GAB3: variants seen among roughly 807,000 people sequenced by gnomAD.
GAB3 encodes GRB2-associated-binding protein 3.
A neutral mutation model predicts 40.4 loss-of-function variants in GAB3; 12 were observed. That is an observed-to-expected ratio of 0.30 (90% CI 0.19 to 0.48). GAB3 has a LOEUF of 0.48. Among genes scored for constraint, GAB3 ranks in the 20% least tolerant of loss-of-function variants. GAB3 has a pLI of 0.99. For missense variants in GAB3, 381 were observed against 461.9 expected, an observed-to-expected ratio of 0.82 and a Z score of 1.61; for synonymous variants, 154 against 176.7, an observed-to-expected ratio of 0.87 and a Z score of 1.02.
rs782332474 is a variant in GAB3 at position 154,735,479 on chromosome X, T to C, written c.72+15475A>G. On this transcript the variant is annotated intron_variant, in intron 1 of 9. Coordinates refer to ENST00000424127, the MANE Select transcript of GAB3 (RefSeq NM_001081573.3). Reference sequence around the variant, plus strand: ...TGGAGCCCATGGGGGTAGTTGGGGCTTTCACATCTCAGTACATGGCAACTC... The same window carrying C: ...TGGAGCCCATGGGGGTAGTTGGGGCCTTCACATCTCAGTACATGGCAACTC... Among the ~76,000 whole-genome samples, 240 of 112,000 alleles carry C rather than the reference T, an allele frequency of 2.1e-3. 1 individual carries two copies. Among genetic ancestry groups the C allele is most frequent in the African/African-American group, 7.4e-3 (227 of 30,810 alleles).
At chrX:154,715,396 G>A (rs2071030212) in intron 2 of GAB3, among the ~76,000 whole-genome samples, 1 of 106,357 alleles carries the variant, frequency 9.4e-6, no homozygotes, top group African/African-American at 3.6e-5. Flanking sequence ...GATGAGTTGT[G>A]TGTGTGTGCG....
At chrX:154,718,307 G>A (rs1027195078) in intron 1 of GAB3, among the ~76,000 whole-genome samples, 8 of 108,415 alleles carry the variant, frequency 7.4e-5, no homozygotes. Context: ...GCAAGCAGAA[G>A]GAAGGCAGTC....
chrX:154,706,762 T>A (rs1557253727), intron 4 of GAB3, among the ~76,000 whole-genome samples: 1 of 108,735 alleles, frequency 9.2e-6, no homozygotes, highest in East Asian at 2.9e-4. Context: ...AAAAAAATTT[T>A]TTTTCAAATT....
intron 1 of GAB3, among the ~76,000 whole-genome samples, chrX:154,745,915 G>A (rs2071519740): frequency 9.1e-6 from 1 of 110,370 alleles, no homozygotes; most frequent in Admixed American, 9.6e-5. Context: ...AGCCAGGCAT[G>A]GTGGTGGGCA....
At chrX:154,722,577 T>C (rs2071150676) in intron 1 of GAB3, among the ~76,000 whole-genome samples, 1 of 112,028 alleles carries the variant, frequency 8.9e-6, no homozygotes, top group Admixed American at 9.5e-5. Flanking sequence ...CTCCAAATTA[T>C]ATACAATAAA....
At chrX:154,744,799 A>C (rs781977413) in intron 1 of GAB3, among the ~76,000 whole-genome samples, 3 of 112,611 alleles carry the variant, frequency 2.7e-5, no homozygotes, top group East Asian at 2.8e-4. Context: ...ATATACATTT[A>C]ACAAATTTTA....
At chrX:154,711,322 G>A (rs1202003392) in intron 4 of GAB3, among the ~76,000 whole-genome samples, 1 of 111,960 alleles carries the variant, frequency 8.9e-6, no homozygotes, top group Non-Finnish European at 1.9e-5. Flanking sequence ...GAGAGATACA[G>A]ACTGATGTAA....
intron 1 of GAB3, among the ~76,000 whole-genome samples, chrX:154,735,056 G>A (rs1454542598): frequency 8.9e-6 from 1 of 112,158 alleles, no homozygotes; most frequent in Non-Finnish European, 1.9e-5. Context: ...ATATGAATCA[G>A]TATTTCACAG....
rs148554480 is a variant in GAB3, at chrX:154,719,894, T to C, written c.73-3565A>G. Among the ~76,000 whole-genome samples, 242 of 111,518 alleles carry C rather than the reference T, an allele frequency of 2.2e-3. 2 individuals carry two copies. Among genetic ancestry groups the C allele is most frequent in the African/African-American group, 7.4e-3 (227 of 30,624 alleles). On this transcript the variant is annotated intron_variant, in intron 1 of 9. Transcript: ENST00000424127. Reference sequence around the variant, plus strand: ...ATGCCACAAGGAATGACGAGGGCCATGTCAAAAGGACTTAGGGGCTAACCT... The same window carrying C: ...ATGCCACAAGGAATGACGAGGGCCACGTCAAAAGGACTTAGGGGCTAACCT...
At chrX:154,738,180 G>A (rs1557260766) in intron 1 of GAB3, among the ~76,000 whole-genome samples, 2 of 112,005 alleles carry the variant, frequency 1.8e-5, no homozygotes, top group African/African-American at 3.2e-5. Flanking sequence ...GTGAGTCAAC[G>A]GTGTGGCGTG....
chrX:154,697,791 T>C (rs1443678414), intron 6 of GAB3, among the ~76,000 whole-genome samples: 1 of 112,505 alleles, frequency 8.9e-6, no homozygotes, highest in Non-Finnish European at 1.9e-5. Flanking sequence ...ATGATTTATC[T>C]GGACCTAAAC....
At chrX:154,748,001 G>A (rs961878772) in intron 1 of GAB3, among the ~76,000 whole-genome samples, 5 of 111,804 alleles carry the variant, frequency 4.5e-5, no homozygotes, top group Non-Finnish European at 9.4e-5. Context: ...AAAACTAAAT[G>A]AGTTAATACA....
intron 8 of GAB3, 47 bp from the exon 9 acceptor site, chrX:154,680,295 T>C (rs1299671079): frequency 1.0e-6 from 1 of 969,585 alleles, no homozygotes; most frequent in Middle Eastern, 2.9e-4. Flanking sequence ...TCTATCTTGG[T>C]TGCTCAAGGG....
chrX:154,707,040 T>C (rs2070821829), intron 4 of GAB3, among the ~76,000 whole-genome samples: 2 of 110,814 alleles, frequency 1.8e-5, no homozygotes, highest in Admixed American at 1.9e-4. Context: ...AACAGACACA[T>C]AGACCAATGG....
chrX:154,738,035 T>G (rs1557260753), intron 1 of GAB3, among the ~76,000 whole-genome samples: 2 of 112,030 alleles, frequency 1.8e-5, no homozygotes, highest in Non-Finnish European at 3.8e-5. Flanking sequence ...AAATAAAAGA[T>G]GAAATTCAAC....
In GAB3 at chrX:154,713,409, G is replaced by A. The variant is rs782393555; in HGVS notation, c.394C>T (p.Leu132Phe). 16 of 1,200,819 alleles carry A rather than the reference G, an allele frequency of 1.3e-5. No homozygotes were observed. The South Asian group carries it at 2.8e-4, about 21-fold the overall frequency. ...TGCAGGGAGGAGGGCGTGTAAGAGAGGCTCTCCATGGAATCTGCTGGAGAA... is the reference window on the plus strand; with the variant it reads ...TGCAGGGAGGAGGGCGTGTAAGAGAAGCTCTCCATGGAATCTGCTGGAGAA... ...EDGAADSMESLSYTPSSLQPS... is the reference protein window; with the variant it reads ...EDGAADSMESFSYTPSSLQPS... Residue 132 changes from leucine to phenylalanine, a missense_variant, in exon 3 of 10, where the codon CTC becomes TTC. Around this residue, in one of 2 missense-constraint regions of GAB3, gnomAD observed 364 missense variants for 421.0 expected, o/e 0.86. Transcript: ENST00000424127.
At chrX:154,698,185 G>T (rs782238952) in intron 6 of GAB3, among the ~76,000 whole-genome samples, 1 of 112,728 alleles carries the variant, frequency 8.9e-6, no homozygotes, top group Non-Finnish European at 1.9e-5. Context: ...TTCTGTTGTT[G>T]TTTAATTGTT....
At chrX:154,693,091 A>G (rs1196653241) in intron 8 of GAB3, among the ~76,000 whole-genome samples, 1 of 111,858 alleles carries the variant, frequency 8.9e-6, no homozygotes, top group African/African-American at 3.3e-5. Flanking sequence ...TGGATGAACA[A>G]AATGTGGTCA....
At chrX:154,749,628 T>G (rs2071581740) in intron 1 of GAB3, among the ~76,000 whole-genome samples, 1 of 112,379 alleles carries the variant, frequency 8.9e-6, no homozygotes, top group East Asian at 2.8e-4. Context: ...CTTAGAGAAA[T>G]CTCAGTATTT....
Sources: gnomAD v4.1 joint callset for allele counts (sites outside exome capture counted in the v4.1 genomes callset) on GRCh38, gnomAD v4.1.1 for gene constraint, gnomAD v4.1.1 regional missense constraint, MANE v1.5 for transcripts, NCBI Gene and HGNC (gene_info 2026-07-23, HGNC 2026-07-21) for gene names.